DDX60: variants seen among roughly 807,000 people sequenced by gnomAD.
DDX60 encodes DExD/H-box helicase 60, also known as probable ATP-dependent RNA helicase DDX60.
DDX60 carries 165 observed loss-of-function variants against 212.8 expected under a neutral mutation model. The observed-to-expected ratio is 0.78, with a 90% CI of 0.68 to 0.88. DDX60 has a LOEUF of 0.88. Among genes scored for constraint, DDX60 ranks in the 40% least tolerant of loss-of-function variants. The pLI, the probability that DDX60 is intolerant of heterozygous loss-of-function variation, is 0.00. For missense variants in DDX60, 1,905 were observed against 2,003.9 expected, an observed-to-expected ratio of 0.95 and a Z score of 0.94; for synonymous variants, 703 against 685.3, an observed-to-expected ratio of 1.03 and a Z score of -0.40.
At chr4:168,235,884 C>T (rs1298010869) in intron 33 of DDX60, 1 of 176,610 alleles carries the variant, frequency 5.7e-6, no homozygotes, top group Non-Finnish European at 1.2e-5. Context: ...TTCCATAGTT[C>T]TACCTTAAGG....
At chr4:168,285,747 T>G (rs1177329821) in intron 10 of DDX60, among the ~76,000 whole-genome samples, 1 of 146,846 alleles carries the variant, frequency 6.8e-6, no homozygotes, top group Admixed American at 6.9e-5. Context: ...TGGGTGGATA[T>G]GCATGGGGGA....
At chr4:168,309,813 A>G (rs1409600450) in intron 3 of DDX60, among the ~76,000 whole-genome samples, 1 of 126,500 alleles carries the variant, frequency 7.9e-6, no homozygotes, top group Non-Finnish European at 1.6e-5. Flanking sequence ...AAATGAAATT[A>G]TTCTGGAAAA....
intron 37 of DDX60, among the ~76,000 whole-genome samples, chr4:168,218,993 T>A (rs949883354): frequency 4.6e-5 from 7 of 152,034 alleles, no homozygotes; most frequent in African/African-American, 1.4e-4. Flanking sequence ...AATTTAATGA[T>A]CCTTTGGCCA....
chr4:168,289,793 A>T (rs1290672223), intron 8 of DDX60, among the ~76,000 whole-genome samples: 2 of 152,156 alleles, frequency 1.3e-5, no homozygotes, highest in Non-Finnish European at 2.9e-5. Flanking sequence ...ACCCATATTC[A>T]ATCACTAAAC....
intron 15 of DDX60, 41 bp from the exon 16 acceptor site, chr4:168,275,544 T>A: frequency 6.7e-7 from 1 of 1,500,990 alleles, no homozygotes; most frequent in Non-Finnish European, 9.1e-7. Flanking sequence ...TGACATTGAA[T>A]TAGAATATCA....
intron 3 of DDX60, among the ~76,000 whole-genome samples, chr4:168,310,137 T>C (rs758772697): frequency 3.9e-5 from 6 of 152,176 alleles, no homozygotes; most frequent in Non-Finnish European, 8.8e-5. Flanking sequence ...GTACTTTTGA[T>C]ATTGGACAAT....
chr4:168,288,346 G>A (rs1441406412), intron 8 of DDX60, 31 bp from the exon 9 acceptor site: 1 of 1,401,402 alleles, frequency 7.1e-7, no homozygotes, highest in African/African-American at 1.5e-5. Context: ...CAAGTTATTG[G>A]CAATATTCAT....
intron 26 of DDX60, among the ~76,000 whole-genome samples, chr4:168,255,134 G>T (rs1185082779): frequency 6.6e-6 from 1 of 152,170 alleles, no homozygotes; most frequent in Non-Finnish European, 1.5e-5. Flanking sequence ...AAGCCAGGAA[G>T]TTACTTAAGA....
Position 168,276,175 on chromosome 4 carries a change from G to A in DDX60, c.1985C>T (p.Thr662Ile). 1 of 1,598,344 alleles carries A rather than the reference G, an allele frequency of 6.3e-7. No individual in the cohort carries two copies. The highest frequency in any genetic ancestry group is 8.5e-7 in the Non-Finnish European group (1 of 1,171,150). Residue 662 changes from threonine (T) to isoleucine (I), a missense_variant, in exon 15 of 38, where the codon ACC (threonine) becomes ATC (isoleucine). Physicochemically the swap from Thr to Ile is moderately conservative, Grantham distance 89. Transcript: ENST00000393743. ...AACAGCTATACTTAAATCTTTCGTG[G>A]TTTTACCTTGATAAACAATAAACAA... ...KEHCRSEEGK[T>I]TKDLSIAVQV...
At position 168,292,024 on chromosome 4, in the gene DDX60, CCTTT is replaced by C. The variant is rs35921068; in HGVS notation, c.883-122_883-119del. ...TGCTGTTCAGGAATCATGAATTATT[CCTTT>C]CTTTCTTTCTTTCTTTCTTTCTTTT... On this transcript the variant is annotated intron_variant, in intron 7 of 37. Transcript: ENST00000393743. 3.8e-3 allele frequency: 1,925 copies of C among 509,106 alleles called. 10 individuals carry two copies. Among genetic ancestry groups the C allele is most frequent in the South Asian group, 7.4e-3 (136 of 18,500 alleles). 31.5% of individuals were successfully genotyped at this position (509,106 alleles called of 1,614,324 possible).
chr4:168,280,198 T>C (rs748137580), intron 14 of DDX60, 137 bp downstream of exon 14: 55 of 1,151,576 alleles, frequency 4.8e-5, no homozygotes, highest in Non-Finnish European at 6.6e-5. Context: ...GAAACTATTG[T>C]AAAGGTAATA....
At chr4:168,273,849 C>T (rs917315026) in intron 17 of DDX60, 85 bp downstream of exon 17, 1 of 1,473,844 alleles carries the variant, frequency 6.8e-7, no homozygotes, top group Non-Finnish European at 9.1e-7. Flanking sequence ...ATAAAGTGAA[C>T]TAGATCTACC....
At chr4:168,269,461 C>T (rs1460957044) in intron 19 of DDX60, among the ~76,000 whole-genome samples, 5 of 151,958 alleles carry the variant, frequency 3.3e-5, no homozygotes, top group South Asian at 4.2e-4. Flanking sequence ...ATTAGCCGGG[C>T]GTGGTGGTGG....
At chr4:168,267,134 G>A (rs79606844) in intron 22 of DDX60, among the ~76,000 whole-genome samples, 528 of 152,192 alleles carry the variant, frequency 3.5e-3, no homozygotes, top group African/African-American at 0.012. Context: ...CACCTTACTG[G>A]CTCACCACCA....
intron 18 of DDX60, among the ~76,000 whole-genome samples, chr4:168,272,631 C>T (rs1021350420): frequency 5.3e-5 from 8 of 152,200 alleles, no homozygotes; most frequent in African/African-American, 1.9e-4. Context: ...CATCAAGCCA[C>T]AGCAGCCCGC....
chr4:168,308,177 A>G lies in DDX60; in HGVS notation c.93T>C (p.Asn31=), dbSNP rs751881998. Residue 31 remains asparagine (N), a synonymous_variant, in exon 4 of 38, where the codon AAT becomes AAC. Transcript: ENST00000393743. ...MPKAEYSSLF[N]DFVESEFFLI... ...AAAAAAATTCAGATTCAACAAAATC[A>G]TTGAATAAACTGGAATATCTAAAAT... 1.0e-5 allele frequency: 16 copies of G among 1,563,974 alleles called. No individual in the cohort carries two copies. The highest frequency in any genetic ancestry group is 1.7e-6 in the Non-Finnish European group (2 of 1,147,706).
At chr4:168,319,730 G>C (rs1017708750), upstream of DDX60, among the ~76,000 whole-genome samples, 5 of 152,142 alleles carry the variant, frequency 3.3e-5, no homozygotes, top group African/African-American at 1.2e-4. Flanking sequence ...ATTGGAAATA[G>C]AAGAGGGTGT....
chr4:168,254,825 T>C (rs535687074), intron 26 of DDX60, among the ~76,000 whole-genome samples: 1 of 151,818 alleles, frequency 6.6e-6, no homozygotes, highest in East Asian at 1.9e-4. Context: ...AAGGAAGAGG[T>C]AGAAAAGTAA....
At chr4:168,260,270 C>T (rs1211691954) in intron 25 of DDX60, among the ~76,000 whole-genome samples, 2 of 152,220 alleles carry the variant, frequency 1.3e-5, no homozygotes, top group East Asian at 3.9e-4. Context: ...CCCTCTCCCA[C>T]CACCCCACAA....
Sources: gnomAD v4.1 joint callset for allele counts (sites outside exome capture counted in the v4.1 genomes callset) on GRCh38, gnomAD v4.1.1 for gene constraint, MANE v1.5 for transcripts, NCBI Gene and HGNC (gene_info 2026-07-23, HGNC 2026-07-21) for gene names.